ARMC2: variants seen among roughly 807,000 people sequenced by gnomAD.
ARMC2 encodes armadillo repeat-containing protein 2.
In ARMC2, 67 loss-of-function variants were observed where a neutral mutation model predicts 90.3. The observed-to-expected ratio is 0.74, with a 90% CI of 0.61 to 0.91. The LOEUF (loss-of-function observed/expected upper bound fraction) is 0.91. ARMC2 is among the 40% of genes least tolerant of loss of function. ARMC2 has a pLI of 0.00. For missense variants in ARMC2, 920 were observed against 1,030.9 expected (o/e 0.89, Z 1.47); for synonymous variants, 393 against 393.0 (o/e 1.00, Z 0.00).
chr6:108,931,549 G>T (rs757848914), intron 11 of ARMC2, among the ~76,000 whole-genome samples: 37 of 151,944 alleles, frequency 2.4e-4, no homozygotes, highest in Non-Finnish European at 4.3e-4. Context: ...AACAGTGTAT[G>T]AGTGTTCTCT....
At chr6:109,002,399 G>A in the ARMC2 span, 2 of 1,413,920 alleles carry the variant, frequency 1.4e-6, no homozygotes, top group East Asian at 4.6e-5. Flanking sequence ...AATGAACTGA[G>A]GCTAAAGGAA....
At chr6:108,952,983 T>A (rs1010777716) in intron 12 of ARMC2, 50 bp from the exon 13 acceptor site, 1 of 1,469,862 alleles carries the variant, frequency 6.8e-7, no homozygotes, top group African/African-American at 1.4e-5. Flanking sequence ...TTCCCCACGA[T>A]GTGTTCCAGC....
the ARMC2 span, among the ~76,000 whole-genome samples, chr6:109,048,260 T>C: frequency 6.6e-6 from 1 of 152,246 alleles, no homozygotes; most frequent in South Asian, 2.1e-4. Flanking sequence ...TGACCCTGCT[T>C]GTATGTGGTG....
intron 11 of ARMC2, among the ~76,000 whole-genome samples, chr6:108,935,173 TTC>T (rs1342954938): frequency 6.6e-6 from 1 of 152,184 alleles, no homozygotes; most frequent in African/African-American, 2.4e-5. Context: ...TTCGTGCTGT[TTC>T]TCTTTTTCTT....
At chr6:109,009,029 G>T in the ARMC2 span, 1 of 985,000 alleles carries the variant, frequency 1.0e-6, no homozygotes, top group Non-Finnish European at 1.2e-6. Context: ...GACTTGTGGA[G>T]ACTTGTCCAG....
At chr6:108,990,362 A>C in the ARMC2 span, among the ~76,000 whole-genome samples, 3 of 152,224 alleles carry the variant, frequency 2.0e-5, no homozygotes, top group African/African-American at 7.2e-5. Flanking sequence ...TCAGTTACAA[A>C]CTTTGTTCTA....
intron 3 of ARMC2, among the ~76,000 whole-genome samples, chr6:108,863,821 A>G (rs1775530565): frequency 6.6e-6 from 1 of 152,216 alleles, no homozygotes; most frequent in Non-Finnish European, 1.5e-5. Flanking sequence ...AGGAAAAAAT[A>G]GATCACTGCC....
In ARMC2 at chr6:108,973,626, G is replaced by T; in HGVS notation, c.*112G>T. On this transcript the variant is annotated 3_prime_UTR_variant, in exon 18 of 18. Coordinates refer to ENST00000392644, the MANE Select transcript of ARMC2 (RefSeq NM_032131.6). Reference sequence around the variant, plus strand: ...TTAACAAATGTGGAAAGTTTTTCAAGAACTGGTTTTAGTGAGTAGCTGAAG... The same window carrying T: ...TTAACAAATGTGGAAAGTTTTTCAATAACTGGTTTTAGTGAGTAGCTGAAG... 1 of 1,151,688 alleles carries T rather than the reference G, an allele frequency of 8.7e-7. No individual in the cohort carries two copies. 71.3% of individuals were successfully genotyped at this position (1,151,688 alleles called of 1,614,324 possible). A position where few individuals can be genotyped will look rare whatever the true frequency, so the allele number is the denominator to read the frequency against.
At position 108,876,342 on chromosome 6, in the gene ARMC2, G is replaced by A; in HGVS notation, c.663G>A (p.Lys221=). ...KGTTSLPSHL[K]NGGDQGKRHA... ...CAACATCTTTACCATCTCATCTCAA[G>A]AATGGAGGGTCAGTATTCTTTTTAT... is the stretch of plus-strand genomic sequence containing the variant. Residue 221 remains lysine (K), a synonymous_variant, in exon 5 of 18, where the codon AAG becomes AAA. Coordinates refer to ENST00000392644, the MANE Select transcript of ARMC2 (RefSeq NM_032131.6). 6.2e-7 allele frequency: 1 copy of A among 1,610,558 alleles called. No homozygotes were observed. Among genetic ancestry groups the A allele is most frequent in the Non-Finnish European group, 8.5e-7 (1 of 1,178,472 alleles).
intron 17 of ARMC2, among the ~76,000 whole-genome samples, chr6:108,971,098 C>T (rs894474642): frequency 2.0e-5 from 3 of 152,080 alleles, no homozygotes; most frequent in Non-Finnish European, 2.9e-5. Context: ...GTGGCACATG[C>T]CTGTAGTCCC....
intron 10 of ARMC2, among the ~76,000 whole-genome samples, chr6:108,914,947 G>C (rs1773795581): frequency 1.4e-5 from 2 of 142,788 alleles, no homozygotes; most frequent in African/African-American, 5.5e-5. Context: ...CAGCTCAGCA[G>C]GCATTTTTTT....
At chr6:109,000,256 C>A in the ARMC2 span, 1 of 333,300 alleles carries the variant, frequency 3.0e-6, no homozygotes, top group Admixed American at 4.8e-5. Flanking sequence ...ATGTGTAGAA[C>A]GATACAATGC....
chr6:109,002,388 A>T, the ARMC2 span: 4 of 1,480,002 alleles, frequency 2.7e-6, no homozygotes, highest in Middle Eastern at 3.4e-4. Flanking sequence ...GCAGTAAACA[A>T]AATGAACTGA....
At chr6:108,923,659 A>G (rs1184410528) in intron 10 of ARMC2, among the ~76,000 whole-genome samples, 1 of 131,536 alleles carries the variant, frequency 7.6e-6, no homozygotes, top group Non-Finnish European at 1.6e-5. Flanking sequence ...AGAAAAGGCC[A>G]CTGGTCTGAG....
At chr6:108,929,821 C>G (rs1439814372) in intron 11 of ARMC2, among the ~76,000 whole-genome samples, 1 of 152,092 alleles carries the variant, frequency 6.6e-6, no homozygotes, top group African/African-American at 2.4e-5. Flanking sequence ...AAGATCCAAA[C>G]TCTTGGTCAG....
chr6:109,046,682 G>A, the ARMC2 span, among the ~76,000 whole-genome samples: 6 of 135,406 alleles, frequency 4.4e-5, no homozygotes, highest in South Asian at 2.8e-4. Flanking sequence ...AGTGAGGAGC[G>A]TCTCTGCCCG....
At chr6:108,964,450 G>T in intron 16 of ARMC2, 138 bp downstream of exon 16, 1 of 1,045,146 alleles carries the variant, frequency 9.6e-7, no homozygotes, top group South Asian at 1.7e-5. Flanking sequence ...GGCTAAAGAG[G>T]GGGTTTAGAT....
chr6:108,928,420 A>G (rs151128985), intron 11 of ARMC2, among the ~76,000 whole-genome samples, 187 bp downstream of exon 11: 1 of 152,170 alleles, frequency 6.6e-6, no homozygotes, highest in Admixed American at 6.5e-5. Context: ...CCCATTGTCT[A>G]TATGATTCTA....
chr6:108,868,785 A>G, intron 3 of ARMC2, 39 bp from the exon 4 acceptor site: 2 of 1,600,850 alleles, frequency 1.2e-6, no homozygotes, highest in Non-Finnish European at 1.7e-6. Context: ...TTTGAGACGC[A>G]GAAAGTCATT....
Sources: allele counts gnomAD v4.1 joint callset (sites outside exome capture counted in the v4.1 genomes callset), GRCh38; gene constraint gnomAD v4.1.1; transcripts MANE v1.5; gene names NCBI Gene and HGNC (gene_info 2026-07-23, HGNC 2026-07-21).